Variants in LCLAT1 observed in about 807,000 individuals in gnomAD.
LCLAT1 encodes lysocardiolipin acyltransferase 1, also known as 1-AGP acyltransferase 8.
LCLAT1 carries 11 observed loss-of-function variants against 30.7 expected under a neutral mutation model. The ratio of observed to expected loss-of-function variants is 0.36; its 90% CI spans 0.23 to 0.59. The LOEUF (loss-of-function observed/expected upper bound fraction) is 0.59. Among genes scored for constraint, LCLAT1 ranks in the 20% least tolerant of loss-of-function variants. LCLAT1 has a pLI of 0.77. For synonymous variants in LCLAT1, 155 were observed against 151.3 expected (o/e 1.02, Z -0.18); for missense variants, 402 against 458.6 (o/e 0.88, Z 1.13).
intron 1 of LCLAT1, among the ~76,000 whole-genome samples, chr2:30,515,461 A>G (rs1177277081): frequency 1.3e-5 from 2 of 152,234 alleles, no homozygotes; most frequent in Non-Finnish European, 2.9e-5. Flanking sequence ...GGAGTCCATT[A>G]ATCTTTGTCA....
intron 5 of LCLAT1, among the ~76,000 whole-genome samples, chr2:30,590,490 C>T (rs1247251286): frequency 6.7e-6 from 1 of 148,866 alleles, no homozygotes; most frequent in Non-Finnish European, 1.5e-5. Context: ...CTATTTATTA[C>T]CCATTCTTAT....
intron 5 of LCLAT1, among the ~76,000 whole-genome samples, chr2:30,611,115 G>A (rs1667716702): frequency 6.9e-6 from 1 of 144,932 alleles, no homozygotes; most frequent in African/African-American, 2.6e-5. Context: ...GTAGTCAACA[G>A]ACTCATTAGC....
At chr2:30,492,592 A>C (rs1572520285) in intron 1 of LCLAT1, among the ~76,000 whole-genome samples, 1 of 152,078 alleles carries the variant, frequency 6.6e-6, no homozygotes, top group East Asian at 1.9e-4. Context: ...GAAAAAAAAA[A>C]AAAACCTTTG....
chr2:30,603,077 T>C (rs1300702464), intron 5 of LCLAT1, among the ~76,000 whole-genome samples: 2 of 152,164 alleles, frequency 1.3e-5, no homozygotes, highest in Non-Finnish European at 2.9e-5. Context: ...AACATTCTTA[T>C]TGTGCTGCTT....
At chr2:30,620,703 A>G (rs1668204010) in intron 5 of LCLAT1, among the ~76,000 whole-genome samples, 2 of 152,216 alleles carry the variant, frequency 1.3e-5, no homozygotes, top group African/African-American at 2.4e-5. Flanking sequence ...TTGTCATTAG[A>G]TATTTCTTAA....
chr2:30,575,597 A>G (rs1277172999), intron 5 of LCLAT1, among the ~76,000 whole-genome samples: 2 of 152,184 alleles, frequency 1.3e-5, no homozygotes, highest in African/African-American at 2.4e-5. Context: ...GGTAATAACT[A>G]TCTTAAGACA....
chr2:30,470,426 A>C (rs1327596432), intron 1 of LCLAT1, among the ~76,000 whole-genome samples: 1 of 152,190 alleles, frequency 6.6e-6, no homozygotes, highest in Non-Finnish European at 1.5e-5. Flanking sequence ...GTTATTTTTT[A>C]CAAAGATGGT....
At position 30,596,756 on chromosome 2, in the gene LCLAT1, T is replaced by C. The variant is rs1299776525; in HGVS notation, c.628+28580T>C. On this transcript the variant is annotated intron_variant, in intron 5 of 5. Coordinates refer to ENST00000379509, the MANE Select transcript of LCLAT1 (RefSeq NM_001002257.3). ...GAATGGTATTGCCTAGATTTTTTTC[T>C]AGGGTTTTTATAGTTTTGGGTTTTT... Among the ~76,000 whole-genome samples, 36 of 143,708 alleles carry C rather than the reference T, an allele frequency of 2.5e-4. 1 individual carries two copies. The highest frequency in any genetic ancestry group is 4.4e-4 in the Non-Finnish European group (29 of 66,386). 94.3% of individuals were successfully genotyped at this position (143,708 alleles called of 152,430 possible).
chr2:30,640,651 G>T lies in LCLAT1; in HGVS notation c.*32G>T. ...AAGGTTTGCCATGTGAAAACCTAGAGCATATTTTGGAAATGTTCTAAACCT... is the reference window on the plus strand; with the variant it reads ...AAGGTTTGCCATGTGAAAACCTAGATCATATTTTGGAAATGTTCTAAACCT... On this transcript the variant is annotated 3_prime_UTR_variant, in exon 6 of 6. Transcript: ENST00000379509. 7.8e-6 allele frequency: 12 copies of T among 1,539,826 alleles called. No homozygotes were observed. Among genetic ancestry groups the T allele is most frequent in the Non-Finnish European group, 1.0e-5 (12 of 1,148,830 alleles).
chr2:30,565,263 G>A (rs1424133697), intron 4 of LCLAT1, among the ~76,000 whole-genome samples: 7 of 151,958 alleles, frequency 4.6e-5, no homozygotes, highest in Non-Finnish European at 1.0e-4. Context: ...GGAAGTAGTC[G>A]AAGTTCAAGG....
At chr2:30,465,376 G>A (rs10169001) in intron 1 of LCLAT1, among the ~76,000 whole-genome samples, 19,189 of 152,054 alleles carry the variant, frequency 0.13, 1,320 homozygotes, top group South Asian at 0.23. Context: ...GCCTTTGGAG[G>A]GAGTGTGACC....
At chr2:30,580,110 A>G (rs1416249940) in intron 5 of LCLAT1, among the ~76,000 whole-genome samples, 2 of 152,176 alleles carry the variant, frequency 1.3e-5, no homozygotes, top group Non-Finnish European at 2.9e-5. Flanking sequence ...ACTGTGATTC[A>G]TCCCAATTAC....
At chr2:30,636,570 C>A (rs1447838967) in intron 5 of LCLAT1, among the ~76,000 whole-genome samples, 1 of 152,120 alleles carries the variant, frequency 6.6e-6, no homozygotes, top group Non-Finnish European at 1.5e-5. Context: ...ACACTCGGTG[C>A]TGCCATGAAT....
rs571603533 is a variant in LCLAT1, at chr2:30,464,664, G to C, written c.-5+17281G>C. Among the ~76,000 whole-genome samples the C allele has an allele frequency of 3.3e-5, 5 of 152,260 alleles. No individual in the cohort carries two copies. In the East Asian group the frequency reaches 9.7e-4, roughly 29 times the overall value. On this transcript the variant is annotated intron_variant, in intron 1 of 5. Transcript: ENST00000379509. The stretch of plus-strand genomic sequence containing the variant: ...CAGTGAAACAGACAAAACTTCTCTT[G>C]TATTCTTGGGGCAAATGGATATACC...
At chr2:30,599,182 A>G (rs1001638659) in intron 5 of LCLAT1, among the ~76,000 whole-genome samples, 4 of 152,002 alleles carry the variant, frequency 2.6e-5, no homozygotes, top group East Asian at 1.9e-4. Flanking sequence ...GGGTTTCACC[A>G]TGTTCGCCAG....
At position 30,474,596 on chromosome 2, in the gene LCLAT1, A is replaced by G. The variant is rs140557375; in HGVS notation, c.-5+27213A>G. On this transcript the variant is annotated intron_variant, in intron 1 of 5. Transcript: ENST00000379509. ...CCTGATGAGCTTTTAAAATTGTGCT[A>G]TTACCTGGTTAATGAATGAACAGTT... is the stretch of plus-strand genomic sequence containing the variant. Among the ~76,000 whole-genome samples the G allele has an allele frequency of 4.3e-4, 65 of 151,246 alleles. No homozygotes were observed. The East Asian group carries it at 4.5e-3, about 10-fold the overall frequency.
intron 4 of LCLAT1, among the ~76,000 whole-genome samples, chr2:30,566,023 T>C (rs1444914722): frequency 6.6e-6 from 1 of 151,948 alleles, no homozygotes; most frequent in Non-Finnish European, 1.5e-5. Context: ...GGAAGGAGTG[T>C]AGGAGTGGGA....
At chr2:30,452,034 C>T (rs1282090658) in intron 1 of LCLAT1, among the ~76,000 whole-genome samples, 1 of 152,198 alleles carries the variant, frequency 6.6e-6, no homozygotes, top group South Asian at 2.1e-4. Context: ...TACAATACTT[C>T]CCTGGTGACA....
At chr2:30,482,221 T>C (rs1392460389) in intron 1 of LCLAT1, among the ~76,000 whole-genome samples, 1 of 152,232 alleles carries the variant, frequency 6.6e-6, no homozygotes, top group Non-Finnish European at 1.5e-5. Flanking sequence ...ATGTTCTTGT[T>C]CTAAACTAAG....
Sources: gnomAD v4.1 joint callset for allele counts (sites outside exome capture counted in the v4.1 genomes callset) on GRCh38, gnomAD v4.1.1 for gene constraint, MANE v1.5 for transcripts, NCBI Gene and HGNC (gene_info 2026-07-23, HGNC 2026-07-21) for gene names.